Variants in SBNO2 observed in about 807,000 individuals in gnomAD.
SBNO2 encodes the protein protein strawberry notch homolog 2.
A neutral mutation model predicts 146.3 loss-of-function variants in SBNO2; 89 were observed. That is an observed-to-expected ratio of 0.61 (90% CI 0.51 to 0.73). The LOEUF is 0.73. Among genes scored for constraint, SBNO2 ranks in the 30% least tolerant of loss-of-function variants. The pLI is 0.00. For synonymous variants in SBNO2, 1,147 were observed against 892.6 expected, an observed-to-expected ratio of 1.29 and a Z score of -5.08; for missense variants, 2,092 against 2,003.7, an observed-to-expected ratio of 1.04 and a Z score of -0.84.
chr19:1,117,294 C>G, intron 15 of SBNO2, 29 bp downstream of exon 15: 1 of 1,543,890 alleles, frequency 6.5e-7, no homozygotes, highest in Non-Finnish European at 8.7e-7. Context: ...CCCGGCCGCC[C>G]TCAGCCCTCG....
chr19:1,144,563 G>C lies in SBNO2; in HGVS notation c.279+2746C>G, dbSNP rs980034265. Among the ~76,000 whole-genome samples, 1 of 152,088 alleles carries C rather than the reference G, an allele frequency of 6.6e-6. No individual in the cohort carries two copies. Among genetic ancestry groups the C allele is most frequent in the Admixed American group, 6.6e-5 (1 of 15,250 alleles). On this transcript the variant is annotated intron_variant, in intron 4 of 31. Transcript: ENST00000361757. This position sits in a 1 kb window ranked among gnomAD's most constrained non-coding sequence, Gnocchi z 4.1. ...AGAGACAGAGACATGGAGAGAGACA[G>C]AGACAGGGAGACAGAGACGCAGAGA...
At chr19:1,127,266 G>A (rs1568586140) in intron 5 of SBNO2, among the ~76,000 whole-genome samples, 1 of 152,188 alleles carries the variant, frequency 6.6e-6, no homozygotes, top group African/African-American at 2.4e-5. Context: ...GGGACTCCCC[G>A]GGTGCGGTGG....
chr19:1,154,739 C>A (rs1023294912), intron 1 of SBNO2, among the ~76,000 whole-genome samples: 5 of 152,220 alleles, frequency 3.3e-5, no homozygotes, highest in Admixed American at 2.0e-4. Context: ...GCTGACTCCC[C>A]CACATCTGGC....
intron 4 of SBNO2, among the ~76,000 whole-genome samples, chr19:1,130,154 A>G (rs1239376359): frequency 1.3e-5 from 2 of 152,110 alleles, no homozygotes; most frequent in Non-Finnish European, 2.9e-5. Context: ...AGGAAAGGAC[A>G]TGGGGGAAAC....
At chr19:1,172,836 G>A (rs1043080466) in intron 1 of SBNO2, among the ~76,000 whole-genome samples, 3 of 137,212 alleles carry the variant, frequency 2.2e-5, no homozygotes, top group Non-Finnish European at 3.0e-5. Flanking sequence ...TCCGAGGCCG[G>A]GCACTCTCGC....
Position 1,117,386 on chromosome 19 carries a change from C to T in SBNO2, c.1641G>A (p.Leu547=). Residue 547 remains leucine, a synonymous_variant, in exon 15 of 32, where the codon CTG becomes CTA. Transcript: ENST00000361757. ...GCCGGCGCACCTTGGCTGCGATGCA[C>T]AGATACTTGAAGAAGCGCTGGTGTG... ...WSAHQRFFKY[L]CIAAKVRRLV... is the part of the protein sequence containing the mutation. 1.9e-6 allele frequency: 3 copies of T among 1,588,906 alleles called. No homozygotes were observed. Among genetic ancestry groups the T allele is most frequent in the Non-Finnish European group, 2.6e-6 (3 of 1,169,040 alleles).
At chr19:1,132,301 C>T in intron 4 of SBNO2, 1 of 1,314,660 alleles carries the variant, frequency 7.6e-7, no homozygotes, top group Non-Finnish European at 9.7e-7. Context: ...CCGGCGCCTA[C>T]TTCCTCTAAG....
At chr19:1,125,835 A>G (rs2079959378) in intron 5 of SBNO2, among the ~76,000 whole-genome samples, 1 of 152,062 alleles carries the variant, frequency 6.6e-6, no homozygotes, top group Non-Finnish European at 1.5e-5. Flanking sequence ...CTCTACAAAA[A>G]ATACAAAAAT....
At chr19:1,163,522 C>G (rs1438787221) in intron 1 of SBNO2, among the ~76,000 whole-genome samples, 1 of 152,204 alleles carries the variant, frequency 6.6e-6, no homozygotes. Context: ...CTGAGCCCCA[C>G]GCGACTCCCG....
chr19:1,165,409 C>T (rs1011678334), intron 1 of SBNO2, among the ~76,000 whole-genome samples: 1 of 152,154 alleles, frequency 6.6e-6, no homozygotes, highest in Non-Finnish European at 1.5e-5. Context: ...ACCCCCAAGG[C>T]AGCACTGCTG....
chr19:1,113,329 C>A (rs1285528093), intron 19 of SBNO2, among the ~76,000 whole-genome samples: 1 of 152,142 alleles, frequency 6.6e-6, no homozygotes, highest in East Asian at 1.9e-4. Context: ...AGGGATGGGG[C>A]AGGCCGTCCA....
chr19:1,122,600 G>GCCCCCCGCTTCCGCCCCCCA (rs2079915060), intron 9 of SBNO2, 42 bp from the exon 10 acceptor site: 1 of 442,696 alleles, frequency 2.3e-6, no homozygotes, highest in African/African-American at 3.8e-5. Flanking sequence ...CTTCCCCCTC[G>GCCCCCCGCTTCCGCCCCCCA]CCCCCCGCTT....
chr19:1,156,270 C>T lies in SBNO2; in HGVS notation c.-126-1868G>A, dbSNP rs897067948. ...GGCAACCCCAGGAGGCTCAGGGGACCGGGTTCTTCAAGGGGAGGGCTTCAC... is the reference window on the plus strand; with the variant it reads ...GGCAACCCCAGGAGGCTCAGGGGACTGGGTTCTTCAAGGGGAGGGCTTCAC... On this transcript the variant is annotated intron_variant, in intron 1 of 31. Transcript: ENST00000361757. Among the ~76,000 whole-genome samples, 6 of 152,074 alleles carry T rather than the reference C, an allele frequency of 3.9e-5. 1 individual carries two copies. The South Asian group carries it at 6.2e-4, about 16-fold the overall frequency.
chr19:1,131,040 C>T (rs1280365375), intron 4 of SBNO2, among the ~76,000 whole-genome samples: 1 of 152,180 alleles, frequency 6.6e-6, no homozygotes, highest in Non-Finnish European at 1.5e-5. Flanking sequence ...AGAGCCAGGC[C>T]AGCTCCCCCC....
At chr19:1,118,976 G>A (rs766444805) in intron 14 of SBNO2, 35 bp downstream of exon 14, 88 of 1,554,568 alleles carry the variant, frequency 5.7e-5, no homozygotes, top group Non-Finnish European at 7.6e-5. Flanking sequence ...CCCGGGAAAC[G>A]CACAGGGGTC....
chr19:1,112,821 C>A lies in SBNO2; in HGVS notation c.2376G>T (p.Glu792Asp). The part of the protein sequence containing the change: ...LREKQRFMSG[E>D]KLVAIISEAS... ...CCAGTGCACTGCAGCCCCGCACCTT[C>A]TCGCCGCTCATGAAGCGCTGCTTCT... is the stretch of plus-strand genomic sequence containing the variant. Residue 792 changes from glutamate (E) to aspartate (D), a missense_variant, in exon 20 of 32, where the codon GAG (glutamate) becomes GAT (aspartate). Glu to Asp is a conservative substitution (Grantham distance 45, BLOSUM62 2). Transcript: ENST00000361757. This position sits in a 1 kb window ranked among gnomAD's most constrained non-coding sequence, Gnocchi z 5.9. 6.4e-7 allele frequency: 1 copy of A among 1,571,210 alleles called. No homozygotes were observed. The highest frequency in any genetic ancestry group is 1.4e-5 in the African/African-American group (1 of 73,952).
At chr19:1,166,742 C>T (rs188946270) in intron 1 of SBNO2, among the ~76,000 whole-genome samples, 12 of 152,312 alleles carry the variant, frequency 7.9e-5, no homozygotes, top group Admixed American at 4.6e-4. Context: ...CCTGAGCAGA[C>T]GTTAAGCTAA....
rs1204929408 is a variant in SBNO2 at position 1,109,518 on chromosome 19, G to A, written c.3204C>T (p.Tyr1068=). 15 of 1,598,828 alleles carry A rather than the reference G, an allele frequency of 9.4e-6. No homozygotes were observed. The highest frequency in any genetic ancestry group is 4.5e-5 in the East Asian group (2 of 44,222). Reference sequence around the variant, plus strand: ...CGCCCGACCCCACCTTGTAGGAGAGGTAGAAGCCGTCATAGGGGCCCGTCA... The same window carrying A: ...CGCCCGACCCCACCTTGTAGGAGAGATAGAAGCCGTCATAGGGGCCCGTCA... ...LALTGPYDGF[Y]LSYKVRGNKP... is the part of the protein sequence containing the mutation. Residue 1068 remains tyrosine (Y), a synonymous_variant, in exon 28 of 32, where the codon TAC becomes TAT. Transcript: ENST00000361757. This position sits in a 1 kb window ranked among gnomAD's most constrained non-coding sequence, Gnocchi z 4.2.
chr19:1,155,533 A>G (rs1308040326), intron 1 of SBNO2, among the ~76,000 whole-genome samples: 2 of 152,208 alleles, frequency 1.3e-5, no homozygotes, highest in Non-Finnish European at 2.9e-5. Context: ...CCCTTGCCAG[A>G]ACGGCCCTTT....
Sources: gnomAD v4.1 joint callset for allele counts (sites outside exome capture counted in the v4.1 genomes callset) on GRCh38, gnomAD v4.1.1 for gene constraint, Gnocchi (gnomAD v3.1) non-coding constraint, MANE v1.5 for transcripts, NCBI Gene and HGNC (gene_info 2026-07-23, HGNC 2026-07-21) for gene names.